Variants in ATF7IP2 observed in about 807,000 individuals in gnomAD.
ATF7IP2 encodes the protein activating transcription factor 7-interacting protein 2.
ATF7IP2 carries 42 observed loss-of-function variants against 64.2 expected under a neutral mutation model. The ratio of observed to expected loss-of-function variants is 0.65; its 90% CI spans 0.51 to 0.85. The LOEUF is 0.85. Among genes scored for constraint, ATF7IP2 ranks in the 40% least tolerant of loss-of-function variants. The probability of loss-of-function intolerance (pLI) is 0.00; values close to 1 mark genes in which losing one functional copy is unlikely to be tolerated. For missense variants in ATF7IP2, 933 were observed against 784.2 expected (o/e 1.19, Z -2.27); for synonymous variants, 308 against 272.8 (o/e 1.13, Z -1.27).
At chr16:10,404,521 A>G (rs2047596497) in intron 1 of ATF7IP2, among the ~76,000 whole-genome samples, 1 of 152,174 alleles carries the variant, frequency 6.6e-6, no homozygotes, top group Non-Finnish European at 1.5e-5. Context: ...TGCTGGGATT[A>G]TAGGCGTGAG....
At chr16:10,418,506 C>A (rs775207916) in intron 2 of ATF7IP2, among the ~76,000 whole-genome samples, 3 of 152,194 alleles carry the variant, frequency 2.0e-5, no homozygotes, top group Non-Finnish European at 4.4e-5. Flanking sequence ...GGATCCACAT[C>A]TGCAGACTAT....
intron 3 of ATF7IP2, among the ~76,000 whole-genome samples, chr16:10,422,330 A>G (rs1052524996): frequency 3.9e-5 from 6 of 152,176 alleles, no homozygotes; most frequent in Non-Finnish European, 8.8e-5. Flanking sequence ...CAGTTCCTTC[A>G]AACTTTGCAA....
At chr16:10,466,961 TG>T (rs1260682898) in intron 9 of ATF7IP2, among the ~76,000 whole-genome samples, 1 of 152,058 alleles carries the variant, frequency 6.6e-6, no homozygotes, top group Non-Finnish European at 1.5e-5. Flanking sequence ...TGTCAGTCTC[TG>T]GTTTTTTTTT....
intron 1 of ATF7IP2, among the ~76,000 whole-genome samples, chr16:10,402,187 T>A (rs180813533): frequency 6.6e-6 from 1 of 152,346 alleles, no homozygotes; most frequent in East Asian, 1.9e-4. Flanking sequence ...TTTTTAATTT[T>A]TGAACTGTTT....
At chr16:10,434,535 A>T (rs2048356469) in intron 6 of ATF7IP2, among the ~76,000 whole-genome samples, 1 of 152,100 alleles carries the variant, frequency 6.6e-6, no homozygotes, top group Non-Finnish European at 1.5e-5. Flanking sequence ...CCTAATAATA[A>T]GGGAAAATAA....
chr16:10,423,174 G>A (rs1317015862), intron 3 of ATF7IP2, among the ~76,000 whole-genome samples: 4 of 152,112 alleles, frequency 2.6e-5, no homozygotes, highest in African/African-American at 9.7e-5. Context: ...AGCCTGGGAG[G>A]CGGAGCTGGC....
intron 3 of ATF7IP2, among the ~76,000 whole-genome samples, chr16:10,420,852 C>T (rs1270864021): frequency 6.6e-6 from 1 of 152,194 alleles, no homozygotes; most frequent in Non-Finnish European, 1.5e-5. Context: ...AAGTATAGGG[C>T]ATCTGAAATA....
intron 6 of ATF7IP2, 129 bp from the exon 7 acceptor site, chr16:10,437,972 C>A (rs1447627668): frequency 3.2e-6 from 2 of 632,530 alleles, no homozygotes; most frequent in East Asian, 3.5e-5. Context: ...TATAAACATA[C>A]AAATATAAAT....
At chr16:10,423,426 C>G (rs955267075) in intron 3 of ATF7IP2, among the ~76,000 whole-genome samples, 1 of 152,162 alleles carries the variant, frequency 6.6e-6, no homozygotes, top group Admixed American at 6.5e-5. Flanking sequence ...TCAAACGTAG[C>G]TATGATATTT....
chr16:10,388,246 T>C (rs940805209), intron 1 of ATF7IP2, among the ~76,000 whole-genome samples: 3 of 152,204 alleles, frequency 2.0e-5, no homozygotes, highest in African/African-American at 7.2e-5. Flanking sequence ...TAGACTAGGA[T>C]AGTTTTTCAT....
intron 12 of ATF7IP2, among the ~76,000 whole-genome samples, chr16:10,479,742 C>G (rs558105842): frequency 6.6e-6 from 1 of 151,694 alleles, no homozygotes; most frequent in Admixed American, 6.6e-5. Context: ...AAAAAAAGCT[C>G]AACATCACTG....
intron 9 of ATF7IP2, among the ~76,000 whole-genome samples, chr16:10,465,675 G>GT (rs1364497352): frequency 6.7e-6 from 1 of 148,896 alleles, no homozygotes; most frequent in Non-Finnish European, 1.5e-5. Context: ...GGAGGTGGAG[G>GT]TTGGCGTCAT....
intron 1 of ATF7IP2, among the ~76,000 whole-genome samples, chr16:10,388,819 G>A (rs2047261013): frequency 6.6e-6 from 1 of 151,952 alleles, no homozygotes; most frequent in African/African-American, 2.4e-5. Context: ...GACCATCTTG[G>A]TTAACATGGT....
At chr16:10,437,475 T>C (rs541008933) in intron 6 of ATF7IP2, among the ~76,000 whole-genome samples, 1 of 152,334 alleles carries the variant, frequency 6.6e-6, no homozygotes, top group South Asian at 2.1e-4. Context: ...CAATTCAGTG[T>C]TTTTTATTTT....
intron 9 of ATF7IP2, among the ~76,000 whole-genome samples, chr16:10,464,110 T>C (rs1261986409): frequency 2.6e-5 from 4 of 152,234 alleles, no homozygotes; most frequent in Non-Finnish European, 5.9e-5. Context: ...TCTCAAGTTA[T>C]GGCTGCCACC....
chr16:10,462,338 A>AT (rs35818625), intron 9 of ATF7IP2, among the ~76,000 whole-genome samples: 2,552 of 149,918 alleles, frequency 0.017, 66 homozygotes, highest in African/African-American at 0.058. Context: ...ATCTGGGCTC[A>AT]TTTTTTTTTC....
intron 1 of ATF7IP2, among the ~76,000 whole-genome samples, chr16:10,398,990 G>T (rs955848913): frequency 6.6e-5 from 10 of 152,134 alleles, no homozygotes; most frequent in African/African-American, 2.4e-4. Context: ...GTGCATGCCT[G>T]TAATCCCAGC....
At chr16:10,434,459 C>A (rs1228938427) in intron 6 of ATF7IP2, among the ~76,000 whole-genome samples, 1 of 152,152 alleles carries the variant, frequency 6.6e-6, no homozygotes, top group African/African-American at 2.4e-5. Context: ...AACAGAAACA[C>A]TACCATTTTT....
chr16:10,475,424 G>C (rs1217801485), intron 12 of ATF7IP2, among the ~76,000 whole-genome samples: 1 of 152,118 alleles, frequency 6.6e-6, no homozygotes, highest in Non-Finnish European at 1.5e-5. Context: ...GGGCGCGGTG[G>C]CTCACGCCTG....
Sources: gnomAD v4.1 joint callset for allele counts (sites outside exome capture counted in the v4.1 genomes callset) on GRCh38, gnomAD v4.1.1 for gene constraint, MANE v1.5 for transcripts, NCBI Gene and HGNC (gene_info 2026-07-23, HGNC 2026-07-21) for gene names.